Variants in FAM178B observed in about 807,000 individuals in gnomAD.
The protein encoded by FAM178B is family with sequence similarity 178 member B.
FAM178B carries 82 observed loss-of-function variants against 91.7 expected under a neutral mutation model. That is an observed-to-expected ratio of 0.89 (90% CI 0.75 to 1.07). The LOEUF is 1.07. Among genes scored for constraint, FAM178B ranks in the 50% least tolerant of loss-of-function variants. The pLI is 0.00. For synonymous variants in FAM178B, 368 were observed against 359.4 expected (o/e 1.02, Z -0.27); for missense variants, 769 against 846.7 (o/e 0.91, Z 1.14).
At chr2:96,888,844 G>A (rs4907256) in intron 14 of FAM178B, among the ~76,000 whole-genome samples, 38,408 of 152,090 alleles carry the variant, frequency 0.25, 6,160 homozygotes, top group South Asian at 0.67. Flanking sequence ...GCACAGCTGG[G>A]CTGAGTTTAT....
At chr2:96,948,836 A>G (rs763546496) in intron 7 of FAM178B, among the ~76,000 whole-genome samples, 1 of 152,142 alleles carries the variant, frequency 6.6e-6, no homozygotes, top group Non-Finnish European at 1.5e-5. Context: ...CCGAGGCTGG[A>G]GACCTCGCCT....
chr2:96,922,435 C>T (rs976054409), intron 10 of FAM178B, among the ~76,000 whole-genome samples: 4 of 152,044 alleles, frequency 2.6e-5, no homozygotes, highest in East Asian at 1.9e-4. Context: ...CTGCGACCTC[C>T]GCCTCCCGGG....
Position 96,950,041 on chromosome 2 carries a change from G to T in FAM178B, c.993+1338C>A, listed in dbSNP as rs144066049. ...TCCAGCCCCCTCGCAGCATGATGGA[G>T]ACGGGGAAAGAGGCAGGGGAAGGCT... On this transcript the variant is annotated intron_variant, in intron 7 of 16. Transcript: ENST00000490605. 9.2e-4 allele frequency: 903 copies of T among 985,836 alleles called. 31 individuals carry two copies. The Admixed American group carries it at 0.045, about 49-fold the overall frequency. The allele number at this position is 985,836 out of a possible 1,614,324, so 61.1% of individuals were successfully genotyped here.
chr2:96,972,644 GAAGAAAGCTA>G, intron 1 of FAM178B, 38 bp from the exon 2 acceptor site: 1 of 1,536,824 alleles, frequency 6.5e-7, no homozygotes. Flanking sequence ...TGAACCTCCA[GAAGAAAGCTA>G]AAGGTTCTAA....
At position 96,930,210 on chromosome 2, in the gene FAM178B, C is replaced by CAAAAAAA. The variant is rs60102987; in HGVS notation, c.1079-897_1079-891dup. 4.1e-4 allele frequency among the ~76,000 whole-genome samples: 16 copies of CAAAAAAA among 39,486 alleles called. 2 individuals are homozygous for CAAAAAAA. Among genetic ancestry groups the CAAAAAAA allele is most frequent in the African/African-American group, 2.2e-3 (16 of 7,402 alleles). 25.9% of individuals were successfully genotyped at this position (39,486 alleles called of 152,430 possible). A position where few individuals can be genotyped will look rare whatever the true frequency, so the allele number is the denominator to read the frequency against. On this transcript the variant is annotated intron_variant, in intron 8 of 16. Coordinates refer to ENST00000490605, the MANE Select transcript of FAM178B (RefSeq NM_001122646.3). ...GTGACAGAGCGAGACTCCGTCTCTC[C>CAAAAAAA]AAAAAAAAAAAAAAAAAAAAAAAAA...
At chr2:96,950,053 G>C in intron 7 of FAM178B, 2 of 985,738 alleles carry the variant, frequency 2.0e-6, no homozygotes, top group Non-Finnish European at 2.4e-6. Flanking sequence ...CGGGGAAAGA[G>C]GCAGGGGAAG....
At chr2:96,941,503 T>G (rs142625645) in intron 8 of FAM178B, among the ~76,000 whole-genome samples, 8 of 152,302 alleles carry the variant, frequency 5.3e-5, no homozygotes, top group African/African-American at 1.9e-4. Flanking sequence ...AAGGCCCCAG[T>G]GGCCACGAGG....
At chr2:96,972,921 G>A (rs535163266) in intron 1 of FAM178B, among the ~76,000 whole-genome samples, 15 of 151,994 alleles carry the variant, frequency 9.9e-5, no homozygotes, top group Admixed American at 2.0e-4. Flanking sequence ...GGGTTCAAGC[G>A]ATTCTCCTGC....
intron 4 of FAM178B, among the ~76,000 whole-genome samples, chr2:96,969,589 C>T (rs964657239): frequency 6.6e-6 from 1 of 152,228 alleles, no homozygotes; most frequent in African/African-American, 2.4e-5. Flanking sequence ...CAAGCAGTCA[C>T]GAGGAGGCCC....
At chr2:96,966,072 A>G (rs938754215) in intron 5 of FAM178B, among the ~76,000 whole-genome samples, 4 of 151,940 alleles carry the variant, frequency 2.6e-5, no homozygotes, top group African/African-American at 9.7e-5. Flanking sequence ...CTATGCAGAC[A>G]TGTGTCCAAT....
At chr2:96,968,958 A>C (rs1257195889) in intron 4 of FAM178B, among the ~76,000 whole-genome samples, 1 of 151,910 alleles carries the variant, frequency 6.6e-6, no homozygotes, top group Non-Finnish European at 1.5e-5. Context: ...TGTCTTATCC[A>C]CCTTTACATG....
chr2:96,911,381 G>A (rs1018789798), intron 12 of FAM178B, among the ~76,000 whole-genome samples: 3 of 152,198 alleles, frequency 2.0e-5, no homozygotes, highest in Non-Finnish European at 2.9e-5. Context: ...AGACAGATGC[G>A]GAAAAGCTTG....
chr2:96,976,921 C>T (rs1389303213), intron 1 of FAM178B, among the ~76,000 whole-genome samples: 10 of 151,296 alleles, frequency 6.6e-5, no homozygotes, highest in African/African-American at 2.4e-4. Context: ...GGGCTGGGCA[C>T]AGTGGTTCAC....
At chr2:96,927,955 G>T (rs1438568466) in intron 9 of FAM178B, among the ~76,000 whole-genome samples, 3 of 152,230 alleles carry the variant, frequency 2.0e-5, no homozygotes, top group African/African-American at 7.2e-5. Context: ...GTGCCAGGAG[G>T]AGGCAAGTGG....
intron 13 of FAM178B, among the ~76,000 whole-genome samples, chr2:96,900,071 AC>A (rs2080898035): frequency 6.6e-6 from 1 of 151,820 alleles, no homozygotes; most frequent in Admixed American, 6.6e-5. Flanking sequence ...CCAAGAAAAA[AC>A]AAAATGAAGC....
intron 1 of FAM178B, chr2:96,977,888 C>T (rs955682827): frequency 8.8e-6 from 4 of 453,272 alleles, no homozygotes; most frequent in East Asian, 7.1e-5. Context: ...GATCACGAAG[C>T]CCAGGGCACT....
chr2:96,958,445 T>C (rs2082031782), intron 6 of FAM178B, among the ~76,000 whole-genome samples: 1 of 151,798 alleles, frequency 6.6e-6, no homozygotes, highest in Non-Finnish European at 1.5e-5. Flanking sequence ...CCCAGCACTT[T>C]GGGAGGCTGA....
intron 12 of FAM178B, among the ~76,000 whole-genome samples, chr2:96,907,449 A>G (rs901733348): frequency 1.3e-5 from 2 of 152,122 alleles, no homozygotes; most frequent in African/African-American, 2.4e-5. Context: ...CGGAACTCCA[A>G]CCAGGTTCAG....
intron 5 of FAM178B, among the ~76,000 whole-genome samples, chr2:96,962,131 G>A (rs545394768): frequency 1.4e-4 from 22 of 152,126 alleles, no homozygotes; most frequent in African/African-American, 4.1e-4. Context: ...GTGAAACCCC[G>A]TCTCTACTAA....
Sources: allele counts gnomAD v4.1 joint callset (sites outside exome capture counted in the v4.1 genomes callset), GRCh38; gene constraint gnomAD v4.1.1; transcripts MANE v1.5; gene names NCBI Gene and HGNC (gene_info 2026-07-23, HGNC 2026-07-21).